CT45A1: variants seen among roughly 807,000 people sequenced by gnomAD.
CT45A1 encodes the protein cancer/testis antigen 45-1.
chrX:135,715,333 T>A (rs2087972822), intron 1 of CT45A1, among the ~76,000 whole-genome samples: 3 of 58,873 alleles, frequency 5.1e-5, no homozygotes, highest in Non-Finnish European at 9.4e-5. Flanking sequence ...TACTTATATA[T>A]TATATATATA....
intron 1 of CT45A1, among the ~76,000 whole-genome samples, chrX:135,718,429 C>A (rs1556572479): frequency 9.1e-6 from 1 of 109,968 alleles, no homozygotes; most frequent in African/African-American, 3.3e-5. Context: ...TATCAATCTT[C>A]TAATAAGAGT....
At chrX:135,715,333 T>TAC (rs2087972897) in intron 1 of CT45A1, among the ~76,000 whole-genome samples, 3 of 58,865 alleles carry the variant, frequency 5.1e-5, no homozygotes, top group African/African-American at 1.8e-4. Context: ...TACTTATATA[T>TAC]TATATATATA....
At chrX:135,713,536 G>T, upstream of CT45A1, 1 of 736,646 alleles carries the variant, frequency 1.4e-6, no homozygotes, top group South Asian at 7.2e-5. Context: ...GGTGCTTCTG[G>T]TGAGACGCCT....
intron 1 of CT45A1, among the ~76,000 whole-genome samples, chrX:135,715,374 ATACTTATATATAATACT>A (rs2087974642): frequency 3.3e-4 from 24 of 72,986 alleles, no homozygotes; most frequent in Non-Finnish European, 5.0e-4. Flanking sequence ...TATATATATA[ATACTTATATATAATACT>A]TATATATATA....
At chrX:135,711,583 C>T (rs1556569561), upstream of CT45A1, among the ~76,000 whole-genome samples, 2 of 111,077 alleles carry the variant, frequency 1.8e-5, no homozygotes, top group African/African-American at 6.5e-5. Flanking sequence ...TGCAGGTGCC[C>T]ACCACCATGC....
chrX:135,718,547 G>C (rs2353536), intron 1 of CT45A1, among the ~76,000 whole-genome samples: 1 of 109,885 alleles, frequency 9.1e-6, no homozygotes, highest in East Asian at 2.8e-4. Context: ...ATAATATATA[G>C]TTTAAAATAT....
At chrX:135,712,483 A>G (rs2087940414), upstream of CT45A1, among the ~76,000 whole-genome samples, 1 of 107,579 alleles carries the variant, frequency 9.3e-6, no homozygotes, top group African/African-American at 3.4e-5. Context: ...TTATCAATTA[A>G]CAACTGTTAC....
intron 1 of CT45A1, among the ~76,000 whole-genome samples, chrX:135,714,487 C>T (rs782082495): frequency 7.3e-5 from 8 of 109,598 alleles, no homozygotes; most frequent in Admixed American, 2.9e-4. Flanking sequence ...TGCTTTTCCT[C>T]GGTGGGTTGA....
At chrX:135,713,731 G>C in intron 1 of CT45A1, 41 bp downstream of exon 1, 1 of 725,377 alleles carries the variant, frequency 1.4e-6, no homozygotes, top group Non-Finnish European at 1.6e-6. Context: ...TTTTTCCCTG[G>C]ATGCTTTAAT....
chrX:135,718,392 C>A (rs2088008478), intron 1 of CT45A1, among the ~76,000 whole-genome samples: 2 of 110,401 alleles, frequency 1.8e-5, no homozygotes, highest in Admixed American at 2.0e-4. Flanking sequence ...CTTCTAAATT[C>A]CTTGTCAGAT....
At chrX:135,713,006 T>TCG (rs2087947041), upstream of CT45A1, among the ~76,000 whole-genome samples, 1 of 81,136 alleles carries the variant, frequency 1.2e-5, no homozygotes, top group Admixed American at 1.5e-4. Context: ...CCTCTCTCTC[T>TCG]CTCTCTCTTT....
At chrX:135,714,523 C>T (rs782788052) in intron 1 of CT45A1, among the ~76,000 whole-genome samples, 2 of 109,510 alleles carry the variant, frequency 1.8e-5, no homozygotes, top group East Asian at 2.9e-4. Context: ...AACTCTTCAC[C>T]GGGACTCTAT....
intron 1 of CT45A1, among the ~76,000 whole-genome samples, chrX:135,716,625 C>T (rs1391343986): frequency 9.0e-6 from 1 of 110,993 alleles, no homozygotes; most frequent in Non-Finnish European, 1.9e-5. Flanking sequence ...GGTTTTTCAC[C>T]TCTTAATAGT....
chrX:135,708,465 G>T, the CT45A1 span, among the ~76,000 whole-genome samples: 4 of 110,278 alleles, frequency 3.6e-5, no homozygotes, highest in African/African-American at 1.3e-4. Context: ...GTCTTTCTGG[G>T]GTGCTCTGCG....
chrX:135,711,587 A>G (rs1374984541), upstream of CT45A1, among the ~76,000 whole-genome samples: 2 of 110,734 alleles, frequency 1.8e-5, no homozygotes, highest in African/African-American at 6.6e-5. Context: ...GGTGCCCACC[A>G]CCATGCCTGG....
chrX:135,711,997 C>T (rs1480988834), upstream of CT45A1, among the ~76,000 whole-genome samples: 4 of 109,296 alleles, frequency 3.7e-5, no homozygotes, highest in Non-Finnish European at 7.6e-5. Flanking sequence ...AGGAGAATCA[C>T]TTGAACCTGG....
At chrX:135,709,393 GC>G (rs2087923218), upstream of CT45A1, among the ~76,000 whole-genome samples, 1 of 112,115 alleles carries the variant, frequency 8.9e-6, no homozygotes, top group African/African-American at 3.2e-5. Flanking sequence ...CTCCCAAAGT[GC>G]TGGGATTACA....
At position 135,715,340 on chromosome X, in the gene CT45A1, TATATAATACTTAC is replaced by T. The variant is rs1256025582; in HGVS notation, c.-7+1663_-7+1675del. 1.6e-4 allele frequency among the ~76,000 whole-genome samples: 6 copies of T among 36,927 alleles called. No homozygotes were observed. The East Asian group carries it at 5.5e-3, about 34-fold the overall frequency. 32.1% of individuals were successfully genotyped at this position (36,927 alleles called of 115,157 possible). ...ATATATAATACTTATATATTATATA[TATATAATACTTAC>T]ATATAATACTTATATATATAATACT... is the stretch of plus-strand genomic sequence containing the variant. On this transcript the variant is annotated intron_variant, in intron 1 of 4. Transcript: ENST00000594565.
At chrX:135,715,219 A>ATATATATATAATACT (rs1294458200) in intron 1 of CT45A1, among the ~76,000 whole-genome samples, 14 of 66,305 alleles carry the variant, frequency 2.1e-4, no homozygotes, top group African/African-American at 5.6e-4. Flanking sequence ...TATAATACTT[A>ATATATATATAATACT]TATATATATA....
Sources: allele counts gnomAD v4.1 joint callset (sites outside exome capture counted in the v4.1 genomes callset), GRCh38; gene constraint gnomAD v4.1.1; transcripts MANE v1.5; gene names NCBI Gene and HGNC (gene_info 2026-07-23, HGNC 2026-07-21).